RBKS: variants seen among roughly 807,000 people sequenced by gnomAD.
RBKS encodes the protein ribokinase.
Under a neutral mutation model 33.9 loss-of-function variants are expected in RBKS, and 33 were observed. That is an observed-to-expected ratio of 0.97 (90% CI 0.74 to 1.30). RBKS has a LOEUF of 1.30. Among genes scored for constraint, RBKS ranks in the 50% most tolerant of loss-of-function variants. The pLI is 0.00. For missense variants in RBKS, 361 were observed against 392.6 expected (o/e 0.92, Z 0.68); for synonymous variants, 125 against 143.0 (o/e 0.87, Z 0.90).
intron 4 of RBKS, among the ~76,000 whole-genome samples, chr2:27,846,281 ATTC>A (rs1297110167): frequency 5.3e-5 from 8 of 152,098 alleles, no homozygotes; most frequent in African/African-American, 1.4e-4. Context: ...GTTTTAATTC[ATTC>A]ATTCATTCAT....
rs1664710451 is a variant in RBKS, at chr2:27,890,316, C to T, written c.30G>A (p.Gln10=). 4 of 1,613,880 alleles carry T rather than the reference C, an allele frequency of 2.5e-6. No individual in the cohort carries two copies. The East Asian group carries it at 8.9e-5, about 36-fold the overall frequency. Residue 10 remains glutamine, a synonymous_variant, in exon 1 of 8, where the codon CAG becomes CAA. Coordinates refer to ENST00000302188, the MANE Select transcript of RBKS (RefSeq NM_022128.3). The surrounding 1 kb of genome is among the most constrained non-coding windows in gnomAD (Gnocchi z 4.8). ...CCACCGCCGCCACCTCCTCTTGCCACTGCCTCTGGGGTTCCCCAGACGCCG... is the reference window on the plus strand; with the variant it reads ...CCACCGCCGCCACCTCCTCTTGCCATTGCCTCTGGGGTTCCCCAGACGCCG... The part of the protein sequence containing the change: MAASGEPQR[Q]WQEEVAAVVV...
At position 27,798,163 on chromosome 2, in the gene RBKS, A is replaced by G. The variant is rs114320715; in HGVS notation, c.796-16375T>C. Among the ~76,000 whole-genome samples the G allele has an allele frequency of 6.0e-3, 921 of 152,262 alleles. 7 individuals carry two copies. Among genetic ancestry groups the G allele is most frequent in the Non-Finnish European group, 7.4e-3 (504 of 68,000 alleles). On this transcript the variant is annotated intron_variant, in intron 7 of 7. Transcript: ENST00000302188. Reference sequence around the variant, plus strand: ...TCATGTAGGCGCCCAAGTCCTAGATAAACAGACATGGAGCAGGAAAGGAAG... The same window carrying G: ...TCATGTAGGCGCCCAAGTCCTAGATGAACAGACATGGAGCAGGAAAGGAAG...
At chr2:27,889,093 C>A (rs1334009734) in intron 1 of RBKS, among the ~76,000 whole-genome samples, 1 of 152,244 alleles carries the variant, frequency 6.6e-6, no homozygotes, top group Non-Finnish European at 1.5e-5. Context: ...TTTCGTCAGT[C>A]ACTATAACTG....
intron 5 of RBKS, among the ~76,000 whole-genome samples, chr2:27,841,632 G>A (rs543006839): frequency 1.3e-5 from 2 of 151,632 alleles, no homozygotes; most frequent in Admixed American, 6.6e-5. Flanking sequence ...AAATCAGGAC[G>A]AACATTTTAA....
chr2:27,814,760 T>C (rs1039847656), intron 7 of RBKS, among the ~76,000 whole-genome samples: 2 of 152,214 alleles, frequency 1.3e-5, no homozygotes, highest in African/African-American at 4.8e-5. Context: ...GGAGATGTAC[T>C]TCACCTAACC....
intron 1 of RBKS, chr2:27,870,761 T>A (rs1431765209): frequency 2.2e-6 from 1 of 463,516 alleles, no homozygotes. Context: ...ACTCTGTCCA[T>A]GCATATACTC....
chr2:27,870,980 A>C (rs1451750419), intron 1 of RBKS: 3 of 433,306 alleles, frequency 6.9e-6, no homozygotes, highest in Non-Finnish European at 1.4e-5. Context: ...GTGACTCATT[A>C]ATCCACTCTA....
chr2:27,789,967 A>ATGTG (rs1558533131), intron 7 of RBKS, among the ~76,000 whole-genome samples: 2 of 136,796 alleles, frequency 1.5e-5, no homozygotes, highest in East Asian at 4.2e-4. Flanking sequence ...ATATATATAT[A>ATGTG]TATATGTATA....
intron 7 of RBKS, among the ~76,000 whole-genome samples, chr2:27,783,667 G>A (rs888183481): frequency 1.4e-4 from 21 of 152,106 alleles, no homozygotes; most frequent in Admixed American, 8.5e-4. Context: ...CAGCACTTCG[G>A]GAGGCCGAGG....
intron 5 of RBKS, among the ~76,000 whole-genome samples, chr2:27,835,001 C>T (rs1043548948): frequency 1.3e-5 from 2 of 152,238 alleles, no homozygotes; most frequent in East Asian, 1.9e-4. Context: ...ATAGGCTGGG[C>T]GTGGTGGCTC....
At chr2:27,813,510 T>C (rs1009097769) in intron 7 of RBKS, among the ~76,000 whole-genome samples, 5 of 152,102 alleles carry the variant, frequency 3.3e-5, no homozygotes, top group Non-Finnish European at 5.9e-5. Context: ...AAATTAGGCA[T>C]GGCTAAGAAG....
chr2:27,793,067 G>T (rs1265851812), intron 7 of RBKS, among the ~76,000 whole-genome samples: 1 of 152,122 alleles, frequency 6.6e-6, no homozygotes, highest in Non-Finnish European at 1.5e-5. Context: ...TTACTTAAAG[G>T]ATTCTGAAAA....
chr2:27,788,336 A>C (rs1241426145), intron 7 of RBKS, among the ~76,000 whole-genome samples: 1 of 152,362 alleles, frequency 6.6e-6, no homozygotes, highest in African/African-American at 2.4e-5. Context: ...CTACGTAGAA[A>C]ATCCTAAGAA....
At chr2:27,873,344 C>G (rs1553381076) in intron 1 of RBKS, among the ~76,000 whole-genome samples, 1 of 152,158 alleles carries the variant, frequency 6.6e-6, no homozygotes, top group Non-Finnish European at 1.5e-5. Context: ...CAAGCATTCC[C>G]TCCTTCCCTC....
At chr2:27,801,988 ATAT>A (rs1677803386) in intron 7 of RBKS, among the ~76,000 whole-genome samples, 1 of 86,870 alleles carries the variant, frequency 1.2e-5, no homozygotes, top group Admixed American at 1.3e-4. Context: ...ATATATATAT[ATAT>A]ATTTTTTTTT....
intron 2 of RBKS, among the ~76,000 whole-genome samples, chr2:27,853,809 T>C (rs1355962063): frequency 6.6e-6 from 1 of 152,238 alleles, no homozygotes; most frequent in Non-Finnish European, 1.5e-5. Flanking sequence ...TATTATTTGC[T>C]TGGTTATAGG....
intron 2 of RBKS, among the ~76,000 whole-genome samples, chr2:27,855,474 G>T (rs116363917): frequency 6.6e-6 from 1 of 152,138 alleles, no homozygotes; most frequent in African/African-American, 2.4e-5. Flanking sequence ...TGATGTTTAG[G>T]AATAACTTCC....
intron 2 of RBKS, among the ~76,000 whole-genome samples, chr2:27,850,828 T>A (rs1280652858): frequency 2.0e-5 from 3 of 152,200 alleles, no homozygotes; most frequent in Non-Finnish European, 4.4e-5. Context: ...CAGTTCTCAA[T>A]ACTTAAATAT....
chr2:27,800,546 A>C (rs114400609), intron 7 of RBKS, among the ~76,000 whole-genome samples: 2,743 of 152,270 alleles, frequency 0.018, 80 homozygotes, highest in African/African-American at 0.062. Context: ...CAGGTGTTCA[A>C]CAAAGGTGAG....
Sources: allele counts gnomAD v4.1 joint callset (sites outside exome capture counted in the v4.1 genomes callset), GRCh38; gene constraint gnomAD v4.1.1; non-coding constraint Gnocchi (gnomAD v3.1); transcripts MANE v1.5; gene names NCBI Gene and HGNC (gene_info 2026-07-23, HGNC 2026-07-21).